The following ATG4B variants were observed in gnomAD, a reference collection of about 807,000 sequenced individuals.
ATG4B encodes autophagy related 4B cysteine peptidase.
Under a neutral mutation model 56.6 loss-of-function variants are expected in ATG4B, and 29 were observed. The ratio of observed to expected loss-of-function variants is 0.51; its 90% CI spans 0.38 to 0.70. The LOEUF (loss-of-function observed/expected upper bound fraction) is 0.70. Ranked by LOEUF, ATG4B falls within the 30% of genes least tolerant of loss-of-function variation. The pLI, the probability that ATG4B is intolerant of heterozygous loss-of-function variation, is 0.00. For synonymous variants in ATG4B, 224 were observed against 206.1 expected (o/e 1.09, Z -0.74); for missense variants, 461 against 515.5 (o/e 0.89, Z 1.02).
At chr2:241,665,704 A>G (rs1471682711) in intron 7 of ATG4B, among the ~76,000 whole-genome samples, 1 of 152,210 alleles carries the variant, frequency 6.6e-6, no homozygotes, top group Admixed American at 6.5e-5. Flanking sequence ...TTTGTAATTA[A>G]TGAATAATCC....
chr2:241,638,353 G>A, intron 1 of ATG4B: 1 of 151,236 alleles, frequency 6.6e-6, no homozygotes, highest in South Asian at 2.2e-4. Flanking sequence ...GGTCCTAAGA[G>A]AGAGAGAAAG....
rs1285448753 is a variant in ATG4B, at chr2:241,662,167, A to C, written c.538+2980A>C. Among the ~76,000 whole-genome samples the C allele has an allele frequency of 3.9e-5, 6 of 152,292 alleles. No individual in the cohort carries two copies. The South Asian group carries it at 6.2e-4, about 16-fold the overall frequency. ...GAGTCTTTAGAGCTAAAGACCCCCA[A>C]ATTTTTTTATCAGAAGTACTTAAAC... On this transcript the variant is annotated intron_variant, in intron 7 of 12. Transcript: ENST00000404914.
At position 241,651,147 on chromosome 2, in the gene ATG4B, G is replaced by A. The variant is rs370732915; in HGVS notation, c.112+36G>A. 9.5e-6 allele frequency: 15 copies of A among 1,583,554 alleles called. No individual in the cohort carries two copies. The highest frequency in any genetic ancestry group is 6.7e-5 in the African/African-American group (5 of 74,186). ...TGCTGGAGCCCACCCTGGTCTGACCGCTTGGCCTGCAGAAGCATTTTGTGA... is the reference window on the plus strand; with the variant it reads ...TGCTGGAGCCCACCCTGGTCTGACCACTTGGCCTGCAGAAGCATTTTGTGA... On this transcript the variant is annotated intron_variant, in intron 2 of 12. Coordinates refer to ENST00000404914, the MANE Select transcript of ATG4B (RefSeq NM_013325.5). The surrounding 1 kb of genome is among the most constrained non-coding windows in gnomAD (Gnocchi z 4.1).
At chr2:241,667,271 G>A (rs1362394456) in intron 8 of ATG4B, among the ~76,000 whole-genome samples, 3 of 152,110 alleles carry the variant, frequency 2.0e-5, no homozygotes, top group Admixed American at 6.5e-5. Flanking sequence ...GATGGGCAGG[G>A]CTGTGTGAGG....
chr2:241,668,282 G>A lies in ATG4B; in HGVS notation c.811+61G>A. On this transcript the variant is annotated intron_variant, in intron 9 of 12. Coordinates refer to ENST00000404914, the MANE Select transcript of ATG4B (RefSeq NM_013325.5). The surrounding 1 kb of genome is among the most constrained non-coding windows in gnomAD (Gnocchi z 4.2). Reference sequence around the variant, plus strand: ...TGGGCCTTTTAAGGGCATTCCATGAGCAGGTACCACACCCCAGGTGACCAC... The same window carrying A: ...TGGGCCTTTTAAGGGCATTCCATGAACAGGTACCACACCCCAGGTGACCAC... 1 of 1,534,478 alleles carries A rather than the reference G, an allele frequency of 6.5e-7. No homozygotes were observed. The highest frequency in any genetic ancestry group is 8.8e-7 in the Non-Finnish European group (1 of 1,131,174).
At chr2:241,667,608 A>T (rs35943317) in intron 8 of ATG4B, among the ~76,000 whole-genome samples, 42,776 of 136,540 alleles carry the variant, frequency 0.31, 6,739 homozygotes, top group Middle Eastern at 0.43. Context: ...CATCTCAAAT[A>T]AAAAAAAAAA....
intron 3 of ATG4B, chr2:241,652,052 T>C (rs2068243656): frequency 9.0e-7 from 1 of 1,111,492 alleles, no homozygotes; most frequent in Admixed American, 2.5e-5. Context: ...GTTTCATTCT[T>C]TATCCTGAAG....
chr2:241,652,653 C>T (rs947977054), intron 3 of ATG4B, among the ~76,000 whole-genome samples: 1 of 152,214 alleles, frequency 6.6e-6, no homozygotes, highest in Non-Finnish European at 1.5e-5. Flanking sequence ...CACACCACCA[C>T]GCCTGGCTCT....
intron 6 of ATG4B, 136 bp from the exon 7 acceptor site, chr2:241,658,972 C>T (rs757595922): frequency 3.8e-5 from 23 of 610,238 alleles, no homozygotes; most frequent in East Asian, 8.8e-5. Flanking sequence ...GGCTGTGCCC[C>T]GGATTTTAGG....
At chr2:241,654,265 A>G (rs1468181221) in intron 4 of ATG4B, among the ~76,000 whole-genome samples, 1 of 151,882 alleles carries the variant, frequency 6.6e-6, no homozygotes, top group Admixed American at 6.6e-5. Flanking sequence ...TACTAAAAAC[A>G]CAAAAATTAG....
intron 7 of ATG4B, among the ~76,000 whole-genome samples, chr2:241,665,553 G>T (rs1284011274): frequency 6.6e-6 from 1 of 152,212 alleles, no homozygotes; most frequent in East Asian, 1.9e-4. Context: ...CCACACGCTG[G>T]ATTTGTCTGC....
At chr2:241,663,940 G>A (rs566772769) in intron 7 of ATG4B, among the ~76,000 whole-genome samples, 2 of 152,016 alleles carry the variant, frequency 1.3e-5, no homozygotes, top group South Asian at 4.2e-4. Flanking sequence ...CTCCTGAGTA[G>A]CTGAGACTAC....
chr2:241,670,611 G>C (rs1575094131), intron 10 of ATG4B, 115 bp from the exon 11 acceptor site: 1 of 990,018 alleles, frequency 1.0e-6, no homozygotes, highest in Non-Finnish European at 1.6e-6. Context: ...GGAATGTCCA[G>C]CACCTGCATG....
At chr2:241,661,002 G>A (rs1443102689) in intron 7 of ATG4B, among the ~76,000 whole-genome samples, 1 of 152,224 alleles carries the variant, frequency 6.6e-6, no homozygotes, top group Non-Finnish European at 1.5e-5. Flanking sequence ...TGGTGGGAGT[G>A]TTGGGGGCAG....
rs72320258 is a variant in ATG4B at position 241,673,203 on chromosome 2, TGTG to T, written c.*943_*945del. ...CAAAAGGGGAAAACCACTTGAGTCT[TGTG>T]GTGTGTGGTGGGCAGACACCACAGG... On this transcript the variant is annotated 3_prime_UTR_variant, in exon 13 of 13. Transcript: ENST00000404914. 10,138 of 269,564 alleles carry T rather than the reference TGTG, an allele frequency of 0.038. 882 individuals carry two copies. Among genetic ancestry groups the T allele is most frequent in the African/African-American group, 0.2 (9,114 of 45,830 alleles). The allele number at this position is 269,564 out of a possible 1,614,324, so 16.7% of individuals were successfully genotyped here. A position where few individuals can be genotyped will look rare whatever the true frequency, so the allele number is the denominator to read the frequency against.
At position 241,666,754 on chromosome 2, in the gene ATG4B, G is replaced by T; in HGVS notation, c.648G>T (p.Pro216=). The T allele has an allele frequency of 6.2e-7, 1 of 1,605,378 alleles. No homozygotes were observed. The highest frequency in any genetic ancestry group is 1.1e-5 in the South Asian group (1 of 89,572). ...FPAGAEVTNR[P]SPWRPLVLLI... ...CCGGAGCTGAGGTCACCAACAGGCC[G>T]TCGCCATGGAGACCCCTGGTACTTC... Residue 216 remains proline (P), a synonymous_variant, in exon 8 of 13, where the codon CCG becomes CCT. Coordinates refer to ENST00000404914, the MANE Select transcript of ATG4B (RefSeq NM_013325.5).
chr2:241,652,511 A>G (rs546012972), intron 3 of ATG4B, among the ~76,000 whole-genome samples: 1 of 152,256 alleles, frequency 6.6e-6, no homozygotes, highest in Non-Finnish European at 1.5e-5. Context: ...CCCCACGGAG[A>G]TAATTTTTTA....
chr2:241,648,643 C>T (rs986090225), intron 1 of ATG4B, among the ~76,000 whole-genome samples: 2 of 152,066 alleles, frequency 1.3e-5, no homozygotes, highest in African/African-American at 4.8e-5. Flanking sequence ...GGACAAAGCC[C>T]TGCTGTGGAA....
chr2:241,663,194 C>T (rs2068644757), intron 7 of ATG4B, among the ~76,000 whole-genome samples: 1 of 152,208 alleles, frequency 6.6e-6, no homozygotes, highest in African/African-American at 2.4e-5. Flanking sequence ...GATCATGCCA[C>T]TGCACTCCAG....
Sources: gnomAD v4.1 joint callset for allele counts (sites outside exome capture counted in the v4.1 genomes callset) on GRCh38, gnomAD v4.1.1 for gene constraint, Gnocchi (gnomAD v3.1) non-coding constraint, MANE v1.5 for transcripts, NCBI Gene and HGNC (gene_info 2026-07-23, HGNC 2026-07-21) for gene names.